GALNTL6: variants seen among roughly 807,000 people sequenced by gnomAD.
GALNTL6 encodes polypeptide N-acetylgalactosaminyltransferase like 6.
A neutral mutation model predicts 73.7 loss-of-function variants in GALNTL6; 46 were observed. The observed-to-expected ratio is 0.62, with a 90% CI of 0.49 to 0.80. The LOEUF is 0.80. Ranked by LOEUF, GALNTL6 falls within the 30% of genes least tolerant of loss-of-function variation. The probability of loss-of-function intolerance (pLI) is 0.00; values close to 1 mark genes in which losing one functional copy is unlikely to be tolerated. For missense variants in GALNTL6, 604 were observed against 755.0 expected (o/e 0.80, Z 2.34); for synonymous variants, 259 against 263.7 (o/e 0.98, Z 0.17).
chr4:172,152,910 G>A (rs191725400), intron 2 of GALNTL6, among the ~76,000 whole-genome samples: 21 of 152,232 alleles, frequency 1.4e-4, no homozygotes, highest in East Asian at 1.4e-3. Context: ...GTGCCAGACC[G>A]GAAATGCAAC....
At position 172,416,733 on chromosome 4, in the gene GALNTL6, A is replaced by G. The variant is rs149094809; in HGVS notation, c.553+68044A>G. On this transcript the variant is annotated intron_variant, in intron 5 of 12. Coordinates refer to ENST00000506823, the MANE Select transcript of GALNTL6 (RefSeq NM_001034845.3). ...TGTAATGAATATTTTAATTAAGTTAATAAACCCTTAAAAGTAGAGATGATT... is the reference window on the plus strand; with the variant it reads ...TGTAATGAATATTTTAATTAAGTTAGTAAACCCTTAAAAGTAGAGATGATT... Among the ~76,000 whole-genome samples, 1,230 of 152,268 alleles carry G rather than the reference A, an allele frequency of 8.1e-3. 11 individuals carry two copies. Among genetic ancestry groups the G allele is most frequent in the African/African-American group, 0.028 (1,161 of 41,584 alleles).
rs566622988 is a variant in GALNTL6, at chr4:172,253,672, G to A, written c.247+23908G>A. Among the ~76,000 whole-genome samples the A allele has an allele frequency of 1.6e-4, 25 of 152,048 alleles. No homozygotes were observed. The South Asian group carries it at 5.2e-3, about 32-fold the overall frequency. ...GTATGTGACCAGAAGGTCACATTGT[G>A]ATGGTAATAGACGTTCACATCAGTT... On this transcript the variant is annotated intron_variant, in intron 3 of 12. Transcript: ENST00000506823.
At chr4:172,060,204 G>A (rs1166417405) in intron 2 of GALNTL6, among the ~76,000 whole-genome samples, 3 of 152,066 alleles carry the variant, frequency 2.0e-5, no homozygotes, top group Admixed American at 1.3e-4. Flanking sequence ...CAGAGAAAGA[G>A]GACATAGTTA....
In GALNTL6 at chr4:171,855,896, G is replaced by A. The variant is rs147025848; in HGVS notation, c.138+41178G>A. Among the ~76,000 whole-genome samples, 734 of 152,070 alleles carry A rather than the reference G, an allele frequency of 4.8e-3. 4 individuals are homozygous for A. The highest frequency in any genetic ancestry group is 0.015 in the African/African-American group (641 of 41,486). On this transcript the variant is annotated intron_variant, in intron 2 of 12. Transcript: ENST00000506823. ...CATCTTGTCACATAAATTTTGCATCGGCAAATGTTCTTTGATTAGGAATCT... is the reference window on the plus strand; with the variant it reads ...CATCTTGTCACATAAATTTTGCATCAGCAAATGTTCTTTGATTAGGAATCT...
intron 3 of GALNTL6, among the ~76,000 whole-genome samples, chr4:172,245,395 G>T (rs564154720): frequency 2.6e-5 from 4 of 152,240 alleles, no homozygotes; most frequent in Admixed American, 6.5e-5. Context: ...AGGAGTTAAA[G>T]TCATCCTTAC....
At chr4:172,057,715 AAAAAAAAAAAAAATATATATATAT>A (rs1731061514) in intron 2 of GALNTL6, among the ~76,000 whole-genome samples, 1 of 104,896 alleles carries the variant, frequency 9.5e-6, no homozygotes, top group African/African-American at 3.7e-5. Flanking sequence ...AAAAAAAAAA[AAAAAAAAAAAAAATATATATATAT>A]ATATATATAT....
At chr4:172,038,711 A>G (rs1742005501) in intron 2 of GALNTL6, among the ~76,000 whole-genome samples, 1 of 152,212 alleles carries the variant, frequency 6.6e-6, no homozygotes, top group Admixed American at 6.6e-5. Flanking sequence ...CAAAGCCTGC[A>G]GTTATGTTGC....
chr4:173,014,619 C>T (rs987011269), intron 11 of GALNTL6, among the ~76,000 whole-genome samples: 7 of 152,146 alleles, frequency 4.6e-5, no homozygotes, highest in African/African-American at 7.2e-5. Flanking sequence ...CAAGACAGAG[C>T]GAACTGATGG....
chr4:172,057,719 AAAAAAAAAATATATATATATAT>A (rs1330719951), intron 2 of GALNTL6, among the ~76,000 whole-genome samples: 11 of 61,136 alleles, frequency 1.8e-4, no homozygotes, highest in African/African-American at 5.9e-4. Flanking sequence ...AAAAAAAAAA[AAAAAAAAAATATATATATATAT>A]ATATATATAT....
intron 8 of GALNTL6, among the ~76,000 whole-genome samples, chr4:172,906,497 G>A (rs1746901780): frequency 6.6e-6 from 1 of 152,150 alleles, no homozygotes; most frequent in Non-Finnish European, 1.5e-5. Context: ...TAATCTTACA[G>A]TCCTTGGGTC....
At chr4:172,141,904 CA>C (rs1314181059) in intron 2 of GALNTL6, among the ~76,000 whole-genome samples, 6 of 124,784 alleles carry the variant, frequency 4.8e-5, no homozygotes, top group Non-Finnish European at 7.1e-5. Flanking sequence ...CACACACACA[CA>C]CACACACCCC....
chr4:172,447,164 C>T (rs367631091), intron 5 of GALNTL6, among the ~76,000 whole-genome samples: 1 of 152,034 alleles, frequency 6.6e-6, no homozygotes, highest in Admixed American at 6.6e-5. Flanking sequence ...GTCAAATAAG[C>T]GGTTCAAAGA....
intron 5 of GALNTL6, among the ~76,000 whole-genome samples, chr4:172,444,159 G>T (rs1731937274): frequency 6.6e-6 from 1 of 152,198 alleles, no homozygotes; most frequent in Non-Finnish European, 1.5e-5. Flanking sequence ...CACTGAATTG[G>T]AGTGCTTGGG....
intron 3 of GALNTL6, among the ~76,000 whole-genome samples, 167 bp downstream of exon 3, chr4:172,229,931 G>T (rs1420808532): frequency 6.6e-6 from 1 of 152,120 alleles, no homozygotes; most frequent in African/African-American, 2.4e-5. Context: ...ATTTCAGAGA[G>T]AAAACAAATA....
chr4:172,783,813 GC>G lies in GALNTL6; in HGVS notation c.554-25547del, dbSNP rs1401439005. 4.6e-5 allele frequency among the ~76,000 whole-genome samples: 7 copies of G among 152,108 alleles called. No homozygotes were observed. In the East Asian group the frequency reaches 1.2e-3, roughly 25 times the overall value. ...TGTTTCATAAGCACTTGAGAAATGA[GC>G]TTTGATGAAGAATTATATTTTAGTA... On this transcript the variant is annotated intron_variant, in intron 5 of 12. Coordinates refer to ENST00000506823, the MANE Select transcript of GALNTL6 (RefSeq NM_001034845.3).
intron 2 of GALNTL6, among the ~76,000 whole-genome samples, chr4:171,825,220 A>C (rs867944512): frequency 1.1e-4 from 17 of 152,158 alleles, no homozygotes; most frequent in Non-Finnish European, 5.9e-5. Flanking sequence ...TGCATCCAAC[A>C]GTCAGGTAGA....
At chr4:172,554,962 T>G (rs1323630663) in intron 5 of GALNTL6, among the ~76,000 whole-genome samples, 1 of 152,138 alleles carries the variant, frequency 6.6e-6, no homozygotes, top group Non-Finnish European at 1.5e-5. Flanking sequence ...TACCAACAAG[T>G]TGTTAAAAAT....
chr4:171,820,777 A>C (rs1734657010), intron 2 of GALNTL6, among the ~76,000 whole-genome samples: 1 of 152,170 alleles, frequency 6.6e-6, no homozygotes, highest in South Asian at 2.1e-4. Context: ...TATAATTAAC[A>C]CAATTGTTCT....
At chr4:173,008,579 G>A (rs919737461) in intron 10 of GALNTL6, among the ~76,000 whole-genome samples, 5 of 152,208 alleles carry the variant, frequency 3.3e-5, no homozygotes, top group African/African-American at 9.6e-5. Context: ...TGAGGAGACG[G>A]GAGGAAACCT....
Sources: gnomAD v4.1 joint callset for allele counts (sites outside exome capture counted in the v4.1 genomes callset) on GRCh38, gnomAD v4.1.1 for gene constraint, MANE v1.5 for transcripts, NCBI Gene and HGNC (gene_info 2026-07-23, HGNC 2026-07-21) for gene names.